Variants in ARFGEF1 observed in about 807,000 individuals in gnomAD.
ARFGEF1 encodes brefeldin A-inhibited guanine nucleotide-exchange protein 1.
Under a neutral mutation model 231.0 loss-of-function variants are expected in ARFGEF1, and 42 were observed. That is an observed-to-expected ratio of 0.18 (90% CI 0.14 to 0.24). The LOEUF (loss-of-function observed/expected upper bound fraction) is 0.24, where lower values mean the gene tolerates loss of function less well. Among genes scored for constraint, ARFGEF1 ranks in the 10% least tolerant of loss-of-function variants. ARFGEF1 has a pLI of 1.00. For missense variants in ARFGEF1, 1,345 were observed against 2,192.0 expected, an observed-to-expected ratio of 0.61 and a Z score of 7.72; for synonymous variants, 710 against 732.3, an observed-to-expected ratio of 0.97 and a Z score of 0.49.
chr8:67,292,188 T>C (rs1806038400), intron 5 of ARFGEF1, 65 bp from the exon 6 acceptor site: 1 of 1,390,232 alleles, frequency 7.2e-7, no homozygotes, highest in Admixed American at 1.9e-5. Flanking sequence ...AGGATAATGT[T>C]ACCTCCAACA....
intron 1 of ARFGEF1, among the ~76,000 whole-genome samples, chr8:67,314,696 G>A (rs1196948212): frequency 2.0e-5 from 3 of 152,136 alleles, no homozygotes; most frequent in Non-Finnish European, 2.9e-5. Flanking sequence ...GTCCTCTCAG[G>A]ATTGCTGGTT....
intron 1 of ARFGEF1, among the ~76,000 whole-genome samples, chr8:67,322,475 T>C (rs1266570477): frequency 2.6e-5 from 4 of 152,112 alleles, no homozygotes; most frequent in Admixed American, 6.6e-5. Flanking sequence ...GTGGGGATGG[T>C]TGTTTGAGGC....
intron 19 of ARFGEF1, among the ~76,000 whole-genome samples, chr8:67,249,101 G>C (rs1840193395): frequency 6.7e-6 from 1 of 150,188 alleles, no homozygotes; most frequent in African/African-American, 2.5e-5. Context: ...GGTTGATGTT[G>C]GGACAAGTGA....
chr8:67,175,440 A>G (rs372291198), downstream of ARFGEF1: 1 of 1,613,994 alleles, frequency 6.2e-7, no homozygotes, highest in Non-Finnish European at 8.5e-7. Flanking sequence ...GCCAAAGGTA[A>G]GAAATAATCA....
intron 5 of ARFGEF1, among the ~76,000 whole-genome samples, chr8:67,188,330 G>T: frequency 6.6e-6 from 1 of 152,348 alleles, no homozygotes; most frequent in African/African-American, 2.4e-5. Context: ...CCTAAGCCTA[G>T]CTGGGAAGGT....
downstream of ARFGEF1, chr8:67,193,378 A>C: frequency 8.2e-7 from 1 of 1,223,300 alleles, no homozygotes; most frequent in East Asian, 2.4e-5. Flanking sequence ...ATCACAGGTG[A>C]TAGGCACCAT....
chr8:67,249,954 G>A (rs1398851529), intron 19 of ARFGEF1, among the ~76,000 whole-genome samples: 1 of 152,162 alleles, frequency 6.6e-6, no homozygotes, highest in Non-Finnish European at 1.5e-5. Context: ...AAACTACTCA[G>A]GCAAAGAAGG....
chr8:67,194,762 A>C (rs896532584), downstream of ARFGEF1, among the ~76,000 whole-genome samples: 4 of 152,106 alleles, frequency 2.6e-5, no homozygotes, highest in Non-Finnish European at 5.9e-5. Flanking sequence ...ATAATAAATA[A>C]AAGTAAAATA....
chr8:67,184,826 A>G (rs1011972145), intron 5 of ARFGEF1, among the ~76,000 whole-genome samples: 7 of 149,328 alleles, frequency 4.7e-5, no homozygotes, highest in Non-Finnish European at 8.9e-5. Context: ...TCGGCCGGGC[A>G]CGGTGGCTCA....
chr8:67,200,341 T>TC (rs754058748), intron 38 of ARFGEF1, 55 bp downstream of exon 38: 7 of 1,281,720 alleles, frequency 5.5e-6, no homozygotes, highest in Middle Eastern at 3.7e-4. Flanking sequence ...GGACCCCGCA[T>TC]CCCAATGCGA....
chr8:67,251,893 C>T (rs191681780), intron 18 of ARFGEF1, among the ~76,000 whole-genome samples: 166 of 151,770 alleles, frequency 1.1e-3, no homozygotes, highest in African/African-American at 3.6e-3. Flanking sequence ...AAAAGGGAAA[C>T]GAGTAGGTAC....
chr8:67,301,328 A>C lies in ARFGEF1; in HGVS notation c.208T>G (p.Ser70Ala), dbSNP rs1563901020. 1 of 1,614,090 alleles carries C rather than the reference A, an allele frequency of 6.2e-7. No individual in the cohort carries two copies. The highest frequency in any genetic ancestry group is 1.7e-5 in the Admixed American group (1 of 59,990). ...AGSSTLPPVK[S>A]KTNFIEADKY... is the part of the protein sequence containing the mutation. ...TCTGCTTCAATAAAATTTGTCTTTG[A>C]TTTCACTGGTGGAAGGGTGCTTGAT... The change falls in exon 3 of 39, where the codon TCA becomes GCA. Residue 70 changes from serine (S) to alanine (A), a missense_variant. Ser to Ala is a moderately conservative substitution (Grantham distance 99, BLOSUM62 1). Transcript: ENST00000262215.
intron 15 of ARFGEF1, among the ~76,000 whole-genome samples, chr8:67,259,013 A>G (rs1489985668): frequency 1.3e-5 from 2 of 152,188 alleles, no homozygotes; most frequent in Non-Finnish European, 2.9e-5. Flanking sequence ...GATTACTTAT[A>G]ATAGGTAATA....
intron 1 of ARFGEF1, among the ~76,000 whole-genome samples, chr8:67,315,826 T>C (rs78233864): frequency 0.016 from 2,463 of 152,148 alleles, 69 homozygotes; most frequent in African/African-American, 0.057. Context: ...ACAGCTAAAA[T>C]TGTATGGGAT....
chr8:67,315,519 T>C (rs185963599), intron 1 of ARFGEF1, among the ~76,000 whole-genome samples: 126 of 152,260 alleles, frequency 8.3e-4, no homozygotes, highest in African/African-American at 2.9e-3. Context: ...TCAACAAAGT[T>C]AGAAGAACTG....
chr8:67,175,951 A>G (rs73693129), intron 5 of ARFGEF1, among the ~76,000 whole-genome samples: 12,655 of 152,278 alleles, frequency 0.083, 1,072 homozygotes, highest in African/African-American at 0.22. Flanking sequence ...GTACTGGCCT[A>G]TATCCAGGGG....
chr8:67,178,212 T>C (rs1255674338), intron 5 of ARFGEF1, among the ~76,000 whole-genome samples: 1 of 152,180 alleles, frequency 6.6e-6, no homozygotes, highest in East Asian at 1.9e-4. Flanking sequence ...TTGCTGTCAT[T>C]ACCATGAGCA....
intron 22 of ARFGEF1, among the ~76,000 whole-genome samples, chr8:67,236,366 ATATATAT>A (rs1167170353): frequency 0.011 from 187 of 17,614 alleles, no homozygotes; most frequent in Middle Eastern, 0.12. Flanking sequence ...AAAAAAAAAA[ATATATAT>A]ATATATATAT....
In ARFGEF1 at chr8:67,338,342, T is replaced by G. The variant is rs560482696; in HGVS notation, c.124+4822A>C. ...GTTAGGGTTATTGTACTTGTCTTTC[T>G]TTCCCCAGTGTCCCAAAGTAAGTTC... On this transcript the variant is annotated intron_variant, in intron 1 of 38. Coordinates refer to ENST00000262215, the MANE Select transcript of ARFGEF1 (RefSeq NM_006421.5). Among the ~76,000 whole-genome samples, 9 of 152,296 alleles carry G rather than the reference T, an allele frequency of 5.9e-5. No individual in the cohort carries two copies. The South Asian group carries it at 1.9e-3, about 32-fold the overall frequency.
Sources: gnomAD v4.1 joint callset for allele counts (sites outside exome capture counted in the v4.1 genomes callset) on GRCh38, gnomAD v4.1.1 for gene constraint, MANE v1.5 for transcripts, NCBI Gene and HGNC (gene_info 2026-07-23, HGNC 2026-07-21) for gene names.